Variants in CLMN observed in about 807,000 individuals in gnomAD.
CLMN encodes the protein calmin (calponin-like, transmembrane).
A neutral mutation model predicts 92.7 loss-of-function variants in CLMN; 57 were observed. The ratio of observed to expected loss-of-function variants is 0.61; its 90% CI spans 0.50 to 0.77. CLMN has a LOEUF of 0.77. CLMN is among the 30% of genes least tolerant of loss of function. CLMN has a pLI of 0.00. For synonymous variants in CLMN, 466 were observed against 470.6 expected, an observed-to-expected ratio of 0.99 and a Z score of 0.13; for missense variants, 1,158 against 1,237.5, an observed-to-expected ratio of 0.94 and a Z score of 0.96.
intron 1 of CLMN, among the ~76,000 whole-genome samples, chr14:95,296,897 C>T (rs1310182587): frequency 6.6e-6 from 1 of 152,136 alleles, no homozygotes; most frequent in Admixed American, 6.5e-5. Flanking sequence ...CCAAAGTCAC[C>T]CCTAGGTTTG....
chr14:95,251,655 G>A (rs1256415866), intron 1 of CLMN, among the ~76,000 whole-genome samples: 1 of 152,164 alleles, frequency 6.6e-6, no homozygotes, highest in Non-Finnish European at 1.5e-5. Context: ...TATGCTCAGG[G>A]TCACACACAT....
In CLMN at chr14:95,215,727, G is replaced by A; in HGVS notation, c.331C>T (p.Leu111=). ...ATTTCTGCTGCATCAATGCTAACCA[G>A]TTTTACCTGGAGGGAAGCAATTTAT... ...LKFLEDSNVK[L]VSIDAAEIAD... Residue 111 remains leucine (L), a synonymous_variant, in exon 5 of 13, where the codon CTG becomes TTG. Transcript: ENST00000298912. The A allele has an allele frequency of 6.2e-7, 1 of 1,613,954 alleles. No individual in the cohort carries two copies. The highest frequency in any genetic ancestry group is 8.5e-7 in the Non-Finnish European group (1 of 1,179,906).
chr14:95,246,772 CTG>C (rs879577131), intron 1 of CLMN, among the ~76,000 whole-genome samples: 4 of 152,212 alleles, frequency 2.6e-5, no homozygotes, highest in Admixed American at 2.6e-4. Flanking sequence ...TGGCCACAAA[CTG>C]TTTTTTAAAA....
At chr14:95,313,565 T>C (rs1268130704) in intron 1 of CLMN, among the ~76,000 whole-genome samples, 5 of 152,188 alleles carry the variant, frequency 3.3e-5, no homozygotes, top group Non-Finnish European at 5.9e-5. Flanking sequence ...AAGTCCATTT[T>C]TTGATGCTGC....
At chr14:95,230,215 T>C (rs1026779200) in intron 1 of CLMN, 82 bp from the exon 2 acceptor site, 1 of 1,300,934 alleles carries the variant, frequency 7.7e-7, no homozygotes, top group Non-Finnish European at 1.1e-6. Flanking sequence ...GGGGAGATTC[T>C]AGGTGGAGGG....
At chr14:95,244,514 A>G (rs1436518053) in intron 1 of CLMN, among the ~76,000 whole-genome samples, 2 of 152,244 alleles carry the variant, frequency 1.3e-5, no homozygotes, top group South Asian at 4.1e-4. Flanking sequence ...AAAACTTAAC[A>G]TCGCATAGAA....
At position 95,287,813 on chromosome 14, in the gene CLMN, T is replaced by C. The variant is rs140449806; in HGVS notation, c.82+31898A>G. ...GTCCAAGGTCATCAGCCTCTCTCCA[T>C]ACAGCCCTGTTTCTGGAGGGCAGAG... is the stretch of plus-strand genomic sequence containing the variant. On this transcript the variant is annotated intron_variant, in intron 1 of 12. Transcript: ENST00000298912. Among the ~76,000 whole-genome samples the C allele has an allele frequency of 3.3e-3, 498 of 152,308 alleles. 11 individuals carry two copies. Among genetic ancestry groups the C allele is most frequent in the Non-Finnish European group, 4.1e-3 (276 of 68,008 alleles).
chr14:95,221,821 C>A (rs756396623), intron 3 of CLMN, 47 bp from the exon 4 acceptor site: 19 of 1,533,738 alleles, frequency 1.2e-5, no homozygotes, highest in Non-Finnish European at 1.7e-5. Context: ...CCCGCACAGG[C>A]ACTTCCCAAC....
chr14:95,258,073 T>C (rs781205910), intron 1 of CLMN, among the ~76,000 whole-genome samples: 16 of 151,842 alleles, frequency 1.1e-4, no homozygotes, highest in Non-Finnish European at 2.1e-4. Flanking sequence ...GTGAGGTGTG[T>C]GTGCTTGTGT....
Position 95,268,794 on chromosome 14 carries a change from CTTTTTTTT to C in CLMN, c.83-38669_83-38662del, listed in dbSNP as rs985091508. Among the ~76,000 whole-genome samples the C allele has an allele frequency of 4.0e-3, 250 of 63,088 alleles. 2 individuals carry two copies. The highest frequency in any genetic ancestry group is 8.3e-3 in the Middle Eastern group (1 of 120). The allele number at this position is 63,088 out of a possible 152,430, so 41.4% of individuals were successfully genotyped here. A position where few individuals can be genotyped will look rare whatever the true frequency, so the allele number is the denominator to read the frequency against. On this transcript the variant is annotated intron_variant, in intron 1 of 12. Transcript: ENST00000298912. ...TACTGGGACCTCTCTCTCTCTCTCT[CTTTTTTTT>C]TTTTTTTTTTTTTTTTTTTTAGACA...
intron 1 of CLMN, among the ~76,000 whole-genome samples, chr14:95,311,890 C>A (rs1432364391): frequency 6.6e-6 from 1 of 152,076 alleles, no homozygotes; most frequent in African/African-American, 2.4e-5. Flanking sequence ...CATTCTCTGG[C>A]CTCCTGGGTA....
chr14:95,228,778 G>A lies in CLMN; in HGVS notation c.144+1294C>T, dbSNP rs183586466. On this transcript the variant is annotated intron_variant, in intron 2 of 12. Coordinates refer to ENST00000298912, the MANE Select transcript of CLMN (RefSeq NM_024734.4). The stretch of plus-strand genomic sequence containing the variant: ...CAAACTCCACCTCCTGGGTTCAAGC[G>A]ATTCTCCAGTCTCAGCCTCCCCAGT... 3.8e-4 allele frequency among the ~76,000 whole-genome samples: 58 copies of A among 152,276 alleles called. 1 individual carries two copies. The highest frequency in any genetic ancestry group is 1.3e-3 in the African/African-American group (54 of 41,558).
At chr14:95,292,437 C>CCCACCCCCACCT (rs1900609586) in intron 1 of CLMN, among the ~76,000 whole-genome samples, 1 of 125,686 alleles carries the variant, frequency 8.0e-6, no homozygotes, top group African/African-American at 2.8e-5. Flanking sequence ...GTCCCCCACC[C>CCCACCCCCACCT]CCACCCCCAC....
intron 1 of CLMN, among the ~76,000 whole-genome samples, chr14:95,304,510 A>G (rs191688105): frequency 4.1e-4 from 62 of 152,062 alleles, no homozygotes; most frequent in African/African-American, 1.5e-3. Flanking sequence ...AGAGGAAAGA[A>G]CCAGCCGGAT....
chr14:95,222,914 C>A (rs894939063), intron 3 of CLMN, among the ~76,000 whole-genome samples: 1 of 152,220 alleles, frequency 6.6e-6, no homozygotes, highest in African/African-American at 2.4e-5. Flanking sequence ...ACGCTCTGTG[C>A]TGGCTGAGCT....
intron 9 of CLMN, among the ~76,000 whole-genome samples, chr14:95,200,098 C>G (rs1263484670): frequency 6.6e-6 from 1 of 152,156 alleles, no homozygotes; most frequent in Non-Finnish European, 1.5e-5. Context: ...CCAATGCAAT[C>G]TGAAATAGCT....
At chr14:95,298,532 G>A (rs1350144406) in intron 1 of CLMN, among the ~76,000 whole-genome samples, 1 of 152,172 alleles carries the variant, frequency 6.6e-6, no homozygotes, top group East Asian at 1.9e-4. Context: ...GCAGGAATGT[G>A]ACCCCTCACT....
intron 1 of CLMN, among the ~76,000 whole-genome samples, chr14:95,300,825 G>A (rs546688486): frequency 6.6e-6 from 1 of 152,362 alleles, no homozygotes; most frequent in Non-Finnish European, 1.5e-5. Flanking sequence ...ATGGAGCAGA[G>A]ACTAGGTCTG....
intron 1 of CLMN, among the ~76,000 whole-genome samples, chr14:95,251,919 C>G (rs574502548): frequency 3.0e-4 from 45 of 152,280 alleles, no homozygotes; most frequent in Non-Finnish European, 5.0e-4. Flanking sequence ...GGCCTGGGGT[C>G]TCTTTATGCA....
Sources: allele counts gnomAD v4.1 joint callset (sites outside exome capture counted in the v4.1 genomes callset), GRCh38; gene constraint gnomAD v4.1.1; transcripts MANE v1.5; gene names NCBI Gene and HGNC (gene_info 2026-07-23, HGNC 2026-07-21).